The following CWF19L2 variants were observed in gnomAD, a reference collection of about 807,000 sequenced individuals.
The protein encoded by CWF19L2 is CWF19-like protein 2.
A neutral mutation model predicts 111.7 loss-of-function variants in CWF19L2; 98 were observed. The observed-to-expected ratio is 0.88, with a 90% CI of 0.75 to 1.04. The LOEUF (loss-of-function observed/expected upper bound fraction) is 1.04, where lower values mean the gene tolerates loss of function less well. Among genes scored for constraint, CWF19L2 ranks in the 50% least tolerant of loss-of-function variants. CWF19L2 has a pLI of 0.00. For missense variants in CWF19L2, 1,101 were observed against 1,051.4 expected, an observed-to-expected ratio of 1.05 and a Z score of -0.65; for synonymous variants, 351 against 342.9, an observed-to-expected ratio of 1.02 and a Z score of -0.26.
intron 7 of CWF19L2, among the ~76,000 whole-genome samples, chr11:107,430,471 A>C (rs1240034088): frequency 7.9e-5 from 12 of 152,144 alleles, no homozygotes; most frequent in Admixed American, 7.9e-4. Context: ...ATTTTCAAAA[A>C]TGCAGGGAAT....
At chr11:107,373,742 C>A (rs1360113928) in intron 12 of CWF19L2, among the ~76,000 whole-genome samples, 1 of 133,902 alleles carries the variant, frequency 7.5e-6, no homozygotes, top group Non-Finnish European at 1.6e-5. Flanking sequence ...CGCAGTTCCT[C>A]ACCAGCAACG....
intron 6 of CWF19L2, among the ~76,000 whole-genome samples, chr11:107,437,443 A>C (rs1861558311): frequency 6.6e-6 from 1 of 152,152 alleles, no homozygotes; most frequent in Non-Finnish European, 1.5e-5. Context: ...GATGCCTAAC[A>C]GTTCCACCCC....
chr11:107,390,084 A>G lies in CWF19L2; in HGVS notation c.1862T>C (p.Met621Thr), dbSNP rs1417653041. The change falls in exon 12 of 18, where the codon ATG (methionine) becomes ACG (threonine). Residue 621 changes from methionine (M) to threonine (T), a missense_variant. Met to Thr is a moderately conservative substitution (Grantham distance 81, BLOSUM62 -1). Coordinates refer to ENST00000282251, the MANE Select transcript of CWF19L2 (RefSeq NM_152434.3). The stretch of plus-strand genomic sequence containing the variant: ...AGGAATATATCTTACCTTAGATGCC[A>G]TTCTCATAAAGAGCTTGTTTTGATT... ...AENQNKLFMR[M>T]ASKFMGKTDG... The G allele has an allele frequency of 6.2e-7, 1 of 1,612,524 alleles. No individual in the cohort carries two copies.
intron 12 of CWF19L2, among the ~76,000 whole-genome samples, chr11:107,362,171 C>T (rs1430896901): frequency 6.7e-6 from 1 of 149,482 alleles, no homozygotes; most frequent in Non-Finnish European, 1.5e-5. Context: ...TCGGAGGGTC[C>T]TACGCCCACG....
chr11:107,401,951 C>T (rs551776477), intron 10 of CWF19L2, among the ~76,000 whole-genome samples: 4 of 152,168 alleles, frequency 2.6e-5, no homozygotes, highest in South Asian at 2.1e-4. Context: ...AACTGACCTT[C>T]GACAAATCAA....
intron 12 of CWF19L2, among the ~76,000 whole-genome samples, chr11:107,372,634 A>G (rs1024068752): frequency 7.3e-6 from 1 of 136,582 alleles, no homozygotes; most frequent in Non-Finnish European, 1.6e-5. Context: ...GCACATTTTG[A>G]ACAAAAAAAT....
chr11:107,358,782 C>G (rs1860277983), intron 12 of CWF19L2, among the ~76,000 whole-genome samples: 1 of 152,140 alleles, frequency 6.6e-6, no homozygotes, highest in South Asian at 2.1e-4. Context: ...TTAGTCAATT[C>G]TGTGAGTCTT....
At chr11:107,404,241 TTAAA>T in intron 10 of CWF19L2, 1 of 778,234 alleles carries the variant, frequency 1.3e-6, no homozygotes, top group Non-Finnish European at 2.4e-6. Context: ...TCGTATCCAT[TTAAA>T]TATTCTTGTT....
chr11:107,379,312 C>G (rs745990278), intron 12 of CWF19L2, among the ~76,000 whole-genome samples: 1 of 152,076 alleles, frequency 6.6e-6, no homozygotes, highest in East Asian at 1.9e-4. Flanking sequence ...GGAGACATTT[C>G]TGGCTGTCAC....
rs561940163 is a variant in CWF19L2, at chr11:107,373,353, G to A, written c.1872+16721C>T. Among the ~76,000 whole-genome samples the A allele has an allele frequency of 1.1e-3, 141 of 133,392 alleles. 29 individuals carry two copies. Among genetic ancestry groups the A allele is most frequent in the African/African-American group, 4.2e-3 (137 of 32,484 alleles). The allele number at this position is 133,392 out of a possible 152,430, so 87.5% of individuals were successfully genotyped here. On this transcript the variant is annotated intron_variant, in intron 12 of 17. Coordinates refer to ENST00000282251, the MANE Select transcript of CWF19L2 (RefSeq NM_152434.3). ...AAACAAAAAGACAGCAGTAACCTTC[G>A]CAGACTTAAATGCCCCTGTCTGACA... is the stretch of plus-strand genomic sequence containing the variant.
Position 107,414,190 on chromosome 11 carries a change from T to C in CWF19L2, c.1617+2019A>G, listed in dbSNP as rs79966491. 9.0e-3 allele frequency among the ~76,000 whole-genome samples: 1,373 copies of C among 152,150 alleles called. 19 individuals carry two copies. Among genetic ancestry groups the C allele is most frequent in the African/African-American group, 0.031 (1,297 of 41,518 alleles). Reference sequence around the variant, plus strand: ...AGGATTTTGTTTTTAGTGTTTTTATTTATTTATTTATTCTTTTTTTAGAGA... The same window carrying C: ...AGGATTTTGTTTTTAGTGTTTTTATCTATTTATTTATTCTTTTTTTAGAGA... On this transcript the variant is annotated intron_variant, in intron 10 of 17. Transcript: ENST00000282251.
intron 8 of CWF19L2, among the ~76,000 whole-genome samples, chr11:107,423,915 A>AAC (rs1861337809): frequency 7.2e-6 from 1 of 138,594 alleles, no homozygotes; most frequent in Non-Finnish European, 1.6e-5. Context: ...GATACCTACT[A>AAC]ATATATATGA....
At chr11:107,363,111 G>A (rs1860382641) in intron 12 of CWF19L2, among the ~76,000 whole-genome samples, 1 of 152,054 alleles carries the variant, frequency 6.6e-6, no homozygotes, top group African/African-American at 2.4e-5. Flanking sequence ...AGCGAGAAGG[G>A]AAGTTTAGAG....
chr11:107,361,914 G>A (rs953430322), intron 12 of CWF19L2, among the ~76,000 whole-genome samples: 13 of 152,152 alleles, frequency 8.5e-5, no homozygotes, highest in South Asian at 4.1e-4. Context: ...CTGAGGTACC[G>A]GGTTCATCTC....
rs1293264741 is a variant in CWF19L2, at chr11:107,457,696, C to T, written c.105+16G>A. Reference sequence around the variant, plus strand: ...CACAACAATAAATAACTACAAAAGCCCCAAAACAGAGGTACCTGGCGCAAC... The same window carrying T: ...CACAACAATAAATAACTACAAAAGCTCCAAAACAGAGGTACCTGGCGCAAC... On this transcript the variant is annotated intron_variant, in intron 1 of 17. Transcript: ENST00000282251. 1.3e-6 allele frequency: 2 copies of T among 1,539,342 alleles called. No homozygotes were observed. Among genetic ancestry groups the T allele is most frequent in the East Asian group, 4.9e-5 (2 of 40,858 alleles).
In CWF19L2 at chr11:107,455,095, G is replaced by C. The variant is rs536386216; in HGVS notation, c.217-523C>G. Reference sequence around the variant, plus strand: ...CATGACACTAGAAATAAGTTTTAGTGATCTATTACTGATGACCACATTTAA... The same window carrying C: ...CATGACACTAGAAATAAGTTTTAGTCATCTATTACTGATGACCACATTTAA... On this transcript the variant is annotated intron_variant, in intron 2 of 17. Transcript: ENST00000282251. 4.6e-5 allele frequency among the ~76,000 whole-genome samples: 7 copies of C among 152,086 alleles called. No homozygotes were observed. The East Asian group carries it at 1.2e-3, about 25-fold the overall frequency.
intron 5 of CWF19L2, among the ~76,000 whole-genome samples, chr11:107,440,152 G>C (rs1444742275): frequency 1.3e-5 from 2 of 152,138 alleles, no homozygotes; most frequent in Non-Finnish European, 2.9e-5. Flanking sequence ...TGAGATCAAA[G>C]TAAAGGGTGC....
chr11:107,372,977 G>C (rs192458767), intron 12 of CWF19L2, among the ~76,000 whole-genome samples: 998 of 96,108 alleles, frequency 0.01, 194 homozygotes, highest in Middle Eastern at 0.014. Flanking sequence ...AAGGGGTCAG[G>C]GAGTTCCCTT....
intron 17 of CWF19L2, among the ~76,000 whole-genome samples, chr11:107,329,184 T>C (rs773871839): frequency 2.6e-5 from 4 of 152,256 alleles, no homozygotes; most frequent in South Asian, 2.1e-4. Context: ...AGAGCAATCA[T>C]TGCCCAGACT....
Sources: gnomAD v4.1 joint callset for allele counts (sites outside exome capture counted in the v4.1 genomes callset) on GRCh38, gnomAD v4.1.1 for gene constraint, MANE v1.5 for transcripts, NCBI Gene and HGNC (gene_info 2026-07-23, HGNC 2026-07-21) for gene names.